CHD6: variants seen among roughly 807,000 people sequenced by gnomAD.
CHD6 encodes ATP-dependent chromatin remodeler CHD6.
In CHD6, 50 loss-of-function variants were observed where a neutral mutation model predicts 276.9. The ratio of observed to expected loss-of-function variants is 0.18; its 90% CI spans 0.14 to 0.23. The LOEUF is 0.23. CHD6 is among the 10% of genes least tolerant of loss of function. The pLI is 1.00. For missense variants in CHD6, 2,564 were observed against 3,365.8 expected (o/e 0.76, Z 5.89); for synonymous variants, 1,173 against 1,229.3 (o/e 0.95, Z 0.96).
chr20:41,435,919 A>G (rs13037749), intron 27 of CHD6, among the ~76,000 whole-genome samples: 7,558 of 152,286 alleles, frequency 0.05, 272 homozygotes, highest in South Asian at 0.11. Flanking sequence ...ACAAATAGAT[A>G]TATGGAAAAG....
At chr20:41,594,111 A>C (rs1691506809) in intron 1 of CHD6, among the ~76,000 whole-genome samples, 1 of 152,154 alleles carries the variant, frequency 6.6e-6, no homozygotes, top group Admixed American at 6.5e-5. Context: ...AAAAAACACC[A>C]CATTCATAAT....
Position 41,403,132 on chromosome 20 carries a change from T to C in CHD6, c.*1461A>G. On this transcript the variant is annotated 3_prime_UTR_variant, in exon 37 of 37. Coordinates refer to ENST00000373233, the MANE Select transcript of CHD6 (RefSeq NM_032221.5). ...GCAAAATGAAATAGTTATGTCAGACTTTTGGACCTTCTGATAAATTAGCAA... is the reference window on the plus strand; with the variant it reads ...GCAAAATGAAATAGTTATGTCAGACCTTTGGACCTTCTGATAAATTAGCAA... The C allele has an allele frequency of 3.0e-6, 1 of 329,362 alleles. No individual in the cohort carries two copies. The highest frequency in any genetic ancestry group is 4.8e-6 in the Non-Finnish European group (1 of 209,176). The allele number at this position is 329,362 out of a possible 1,614,324, so 20.4% of individuals were successfully genotyped here.
At chr20:41,413,768 A>C in intron 34 of CHD6, 1 of 312,436 alleles carries the variant, frequency 3.2e-6, no homozygotes, top group Non-Finnish European at 5.9e-6. Flanking sequence ...CTTTAACTCC[A>C]TCCTGACTGC....
intron 3 of CHD6, among the ~76,000 whole-genome samples, chr20:41,526,884 C>T (rs1404940047): frequency 6.6e-6 from 1 of 152,248 alleles, no homozygotes; most frequent in South Asian, 2.1e-4. Flanking sequence ...ACTGCAAATT[C>T]CTGGGTTCCA....
At chr20:41,454,594 G>A in intron 20 of CHD6, 32 bp downstream of exon 20, 1 of 1,501,278 alleles carries the variant, frequency 6.7e-7, no homozygotes, top group East Asian at 2.3e-5. Context: ...ATAAGTGAAT[G>A]TTCCATGGAA....
intron 3 of CHD6, among the ~76,000 whole-genome samples, chr20:41,524,591 C>T (rs763540734): frequency 6.6e-5 from 10 of 152,180 alleles, no homozygotes; most frequent in Non-Finnish European, 1.5e-4. Flanking sequence ...CCTCAGTACA[C>T]CAAATCCCCA....
intron 1 of CHD6, among the ~76,000 whole-genome samples, chr20:41,601,665 A>T (rs2045774733): frequency 6.6e-6 from 1 of 152,206 alleles, no homozygotes; most frequent in African/African-American, 2.4e-5. Flanking sequence ...TAAATGTCAG[A>T]ACAAGTAACT....
In CHD6 at chr20:41,555,084, C is replaced by T. The variant is rs565468666; in HGVS notation, c.-23-3724G>A. Reference sequence around the variant, plus strand: ...CTGATTCCCCCACCTCCCTCCTGGACGGGGCGGCTTGCCGGGCGGGGGGCT... The same window carrying T: ...CTGATTCCCCCACCTCCCTCCTGGATGGGGCGGCTTGCCGGGCGGGGGGCT... On this transcript the variant is annotated intron_variant, in intron 1 of 36. Transcript: ENST00000373233. Among the ~76,000 whole-genome samples the T allele has an allele frequency of 8.4e-4, 124 of 147,168 alleles. 2 individuals carry two copies. Among genetic ancestry groups the T allele is most frequent in the African/African-American group, 2.9e-3 (117 of 39,662 alleles).
At chr20:41,429,161 A>G (rs1269001798) in intron 27 of CHD6, among the ~76,000 whole-genome samples, 1 of 152,238 alleles carries the variant, frequency 6.6e-6, no homozygotes, top group African/African-American at 2.4e-5. Context: ...TGACAGCATA[A>G]CTACAATGAT....
rs560301600 is a variant in CHD6 at position 41,434,767 on chromosome 20, A to T, written c.4068+2507T>A. Among the ~76,000 whole-genome samples the T allele has an allele frequency of 2.0e-5, 3 of 152,330 alleles. No individual in the cohort carries two copies. The South Asian group carries it at 6.2e-4, about 32-fold the overall frequency. ...GAAAGGAGACATAAATAAATCCACA[A>T]TTATAGTTGGAGGCTTCAATATTCT... On this transcript the variant is annotated intron_variant, in intron 27 of 36. Transcript: ENST00000373233.
intron 1 of CHD6, among the ~76,000 whole-genome samples, chr20:41,587,868 C>A (rs2045613155): frequency 1.3e-5 from 2 of 152,054 alleles, no homozygotes; most frequent in Admixed American, 6.5e-5. Flanking sequence ...GCAAAATAGA[C>A]TCTCTCAAAT....
chr20:41,434,797 T>C (rs2047655775), intron 27 of CHD6, among the ~76,000 whole-genome samples: 1 of 152,112 alleles, frequency 6.6e-6, no homozygotes, highest in Non-Finnish European at 1.5e-5. Flanking sequence ...TATTCTTCTC[T>C]CAACAACTGA....
intron 27 of CHD6, among the ~76,000 whole-genome samples, chr20:41,427,968 G>T (rs1419215768): frequency 6.6e-6 from 1 of 152,186 alleles, no homozygotes; most frequent in Non-Finnish European, 1.5e-5. Context: ...CAACACAGGT[G>T]GCAGGCCCCA....
intron 1 of CHD6, among the ~76,000 whole-genome samples, chr20:41,607,682 G>A (rs2045843463): frequency 6.7e-6 from 1 of 148,974 alleles, no homozygotes; most frequent in African/African-American, 2.5e-5. Context: ...AAGTCTCATG[G>A]AAGGAAAATA....
intron 2 of CHD6, among the ~76,000 whole-genome samples, chr20:41,548,782 C>T (rs1160128893): frequency 1.3e-5 from 2 of 151,188 alleles, no homozygotes; most frequent in Admixed American, 1.3e-4. Context: ...TACATGAACT[C>T]AAACAAATTT....
At position 41,420,751 on chromosome 20, in the gene CHD6, C is replaced by T. The variant is rs2047160704; in HGVS notation, c.5884G>A (p.Ala1962Thr). ...NDEFEIEKPK[A>T]YIPDLFKSKT... is the part of the protein sequence containing the mutation. Reference sequence around the variant, plus strand: ...CTTTTGAACAGATCTGGGATATAAGCCTTGGGTTTCTCGATTTCAAATTCA... The same window carrying T: ...CTTTTGAACAGATCTGGGATATAAGTCTTGGGTTTCTCGATTTCAAATTCA... Residue 1962 changes from alanine to threonine, a missense_variant, in exon 31 of 37, where the codon GCT becomes ACT. Physicochemically the swap from Ala to Thr is moderately conservative, Grantham distance 58 (BLOSUM62 0). Around this residue, in one of 7 missense-constraint regions of CHD6, gnomAD observed 1,024 missense variants for 1,047.9 expected, o/e 0.98. Transcript: ENST00000373233. 1 of 1,614,212 alleles carries T rather than the reference C, an allele frequency of 6.2e-7. No homozygotes were observed. The highest frequency in any genetic ancestry group is 2.2e-5 in the East Asian group (1 of 44,878).
At chr20:41,599,169 G>A (rs937221115) in intron 1 of CHD6, among the ~76,000 whole-genome samples, 2 of 152,186 alleles carry the variant, frequency 1.3e-5, no homozygotes, top group African/African-American at 4.8e-5. Flanking sequence ...AGGAATAGCT[G>A]AACAATTAGG....
chr20:41,453,014 C>T (rs758801919), intron 20 of CHD6, 72 bp from the exon 21 acceptor site: 81 of 1,233,796 alleles, frequency 6.6e-5, no homozygotes, highest in Admixed American at 2.7e-4. Context: ...TAAGTGTATC[C>T]TCAGGACACA....
intron 23 of CHD6, among the ~76,000 whole-genome samples, chr20:41,448,728 C>T (rs2048145961): frequency 1.3e-5 from 2 of 152,080 alleles, no homozygotes; most frequent in Admixed American, 1.3e-4. Flanking sequence ...AGGGGTAAGG[C>T]CTCTGAGAAA....
Sources: gnomAD v4.1 joint callset for allele counts (sites outside exome capture counted in the v4.1 genomes callset) on GRCh38, gnomAD v4.1.1 for gene constraint, gnomAD v4.1.1 regional missense constraint, MANE v1.5 for transcripts, NCBI Gene and HGNC (gene_info 2026-07-23, HGNC 2026-07-21) for gene names.